The following SMARCA2 variants were observed in gnomAD, a reference collection of about 807,000 sequenced individuals.
The protein encoded by SMARCA2 is SWI/SNF-related matrix-associated actin-dependent regulator of chromatin subfamily A member 2.
SMARCA2 carries 61 observed loss-of-function variants against 199.8 expected under a neutral mutation model. The observed-to-expected ratio is 0.31, with a 90% CI of 0.25 to 0.38. The LOEUF (loss-of-function observed/expected upper bound fraction) is 0.38. SMARCA2 is among the 10% of genes least tolerant of loss of function. SMARCA2 has a pLI of 1.00. For synonymous variants in SMARCA2, 935 were observed against 732.0 expected (o/e 1.28, Z -4.48); for missense variants, 1,344 against 2,012.2 (o/e 0.67, Z 6.35).
chr9:2,023,724 C>G (rs113669195), intron 1 of SMARCA2, among the ~76,000 whole-genome samples: 1 of 152,202 alleles, frequency 6.6e-6, no homozygotes, highest in African/African-American at 2.4e-5. Context: ...TTACCCACCC[C>G]GCACTGCTTC....
intron 8 of SMARCA2, 48 bp downstream of exon 8, chr9:2,058,512 G>C: frequency 6.7e-7 from 1 of 1,485,704 alleles, no homozygotes; most frequent in Non-Finnish European, 9.3e-7. Context: ...ACCCACGTCC[G>C]TCTGCAATGA....
intron 27 of SMARCA2, among the ~76,000 whole-genome samples, chr9:2,133,271 C>G (rs1034913049): frequency 1.3e-5 from 2 of 152,082 alleles, no homozygotes; most frequent in Non-Finnish European, 2.9e-5. Flanking sequence ...ATATGTCTAT[C>G]TGAATCAAGA....
intron 27 of SMARCA2, among the ~76,000 whole-genome samples, chr9:2,149,545 C>G (rs377244146): frequency 6.6e-6 from 1 of 151,354 alleles, no homozygotes; most frequent in Non-Finnish European, 1.5e-5. Context: ...AAGGAAACCT[C>G]TTATAAAACT....
chr9:2,095,245 C>T (rs1431354084), intron 19 of SMARCA2, among the ~76,000 whole-genome samples: 1 of 152,036 alleles, frequency 6.6e-6, no homozygotes, highest in Non-Finnish European at 1.5e-5. Context: ...ACCACCATGC[C>T]TGGCTAATTT....
chr9:2,088,879 A>ATTTTTTTTTTTTTTTTTTTTTTTTTT lies in SMARCA2; in HGVS notation c.2883+281_2883+282insTTTTTTTTTTTTTTTTTTTTTTTTTT, dbSNP rs375056248. 1.4e-5 allele frequency among the ~76,000 whole-genome samples: 2 copies of ATTTTTTTTTTTTTTTTTTTTTTTTTT among 137,970 alleles called. 1 individual carries two copies. Among genetic ancestry groups the ATTTTTTTTTTTTTTTTTTTTTTTTTT allele is most frequent in the African/African-American group, 5.8e-5 (2 of 34,768 alleles). 90.5% of individuals were successfully genotyped at this position (137,970 alleles called of 152,430 possible). On this transcript the variant is annotated intron_variant, in intron 19 of 33. Transcript: ENST00000349721. ...AGTCTCATTTACATTTTAATTTTAG[A>ATTTTTTTTTTTTTTTTTTTTTTTTTT]TTTTTTTTTTTTTTTAAATTACGGA...
intron 32 of SMARCA2, 67 bp from the exon 33 acceptor site, chr9:2,191,199 T>C: frequency 6.8e-7 from 1 of 1,476,382 alleles, no homozygotes; most frequent in East Asian, 2.3e-5. Flanking sequence ...GGTGATAGTC[T>C]TACCACCTAT....
At position 2,157,078 on chromosome 9, in the gene SMARCA2, C is replaced by G. The variant is rs530073458; in HGVS notation, c.3982-4608C>G. On this transcript the variant is annotated intron_variant, in intron 27 of 33. Transcript: ENST00000349721. ...TGAAATTCTGCATCCAAAAGTGCTA[C>G]AGTATGCATTAAACCGATTAAAATA... Among the ~76,000 whole-genome samples, 13 of 152,314 alleles carry G rather than the reference C, an allele frequency of 8.5e-5. No homozygotes were observed. The South Asian group carries it at 1.9e-3, about 22-fold the overall frequency.
intron 27 of SMARCA2, among the ~76,000 whole-genome samples, chr9:2,127,823 G>A: frequency 6.6e-6 from 1 of 152,128 alleles, no homozygotes; most frequent in East Asian, 1.9e-4. Flanking sequence ...TTGAAGACAG[G>A]TTTTATTTTG....
chr9:2,177,089 T>G (rs1412196203), intron 29 of SMARCA2, among the ~76,000 whole-genome samples: 1 of 152,178 alleles, frequency 6.6e-6, no homozygotes, highest in Non-Finnish European at 1.5e-5. Flanking sequence ...CAGGCTCTCT[T>G]GATAAGTAGG....
intron 28 of SMARCA2, among the ~76,000 whole-genome samples, chr9:2,167,385 G>A (rs186573614): frequency 2.6e-5 from 4 of 152,204 alleles, no homozygotes; most frequent in African/African-American, 9.6e-5. Flanking sequence ...TCAATTGCTC[G>A]AAGACAATTC....
intron 27 of SMARCA2, among the ~76,000 whole-genome samples, chr9:2,140,331 A>G (rs932060552): frequency 5.3e-5 from 8 of 152,340 alleles, no homozygotes; most frequent in Admixed American, 2.6e-4. Context: ...GTCATGGTAT[A>G]TCATTTGAAG....
chr9:2,039,650 T>C lies in SMARCA2; in HGVS notation c.540T>C (p.His180=), dbSNP rs1301741973. The C allele has an allele frequency of 1.9e-6, 3 of 1,614,088 alleles. No homozygotes were observed. In the African/African-American group the frequency reaches 4.0e-5, roughly 22 times the overall value. Reference sequence around the variant, plus strand: ...CACCTTTCAGTCCTGTCCAGCTGCATCAGCTTCGAGCTCAGATTTTAGCTT... The same window carrying C: ...CACCTTTCAGTCCTGTCCAGCTGCACCAGCTTCGAGCTCAGATTTTAGCTT... ...GPSPFSPVQL[H]QLRAQILAYK... is the part of the protein sequence containing the mutation. Residue 180 remains histidine, a synonymous_variant, in exon 4 of 34, where the codon CAT becomes CAC. Coordinates refer to ENST00000349721, the MANE Select transcript of SMARCA2 (RefSeq NM_003070.5). The surrounding 1 kb of genome is among the most constrained non-coding windows in gnomAD (Gnocchi z 4.8).
chr9:2,107,542 C>A (rs1355165800), intron 23 of SMARCA2, among the ~76,000 whole-genome samples: 1 of 151,886 alleles, frequency 6.6e-6, no homozygotes, highest in East Asian at 1.9e-4. Context: ...GATCTCGAAC[C>A]CCTGACCTCA....
At chr9:2,160,062 T>A in intron 27 of SMARCA2, 1 of 923,886 alleles carries the variant, frequency 1.1e-6, no homozygotes, top group Non-Finnish European at 1.6e-6. Context: ...GTTGACAGCC[T>A]TGCATGCTGT....
At chr9:2,087,277 T>A (rs891139700) in intron 18 of SMARCA2, 1 of 593,066 alleles carries the variant, frequency 1.7e-6, no homozygotes, top group African/African-American at 1.9e-5. Context: ...ACATGGGGCA[T>A]CTAACCCCTT....
intron 27 of SMARCA2, among the ~76,000 whole-genome samples, chr9:2,156,184 G>A (rs1825349642): frequency 6.6e-6 from 1 of 152,044 alleles, no homozygotes; most frequent in Non-Finnish European, 1.5e-5. Context: ...CATTGGCCAG[G>A]GCAAGACTGA....
At chr9:2,159,068 G>T in intron 27 of SMARCA2, 4 of 1,486,790 alleles carry the variant, frequency 2.7e-6, no homozygotes, top group Non-Finnish European at 3.6e-6. Context: ...AATTGTTTCA[G>T]TTGTTCTGTT....
chr9:2,052,272 G>A (rs1327179975), intron 5 of SMARCA2, among the ~76,000 whole-genome samples: 1 of 152,220 alleles, frequency 6.6e-6, no homozygotes. Flanking sequence ...TCAGGAGTTT[G>A]AGACCAGCCT....
chr9:2,181,797 A>T (rs550572054), intron 30 of SMARCA2, 121 bp downstream of exon 30: 10 of 648,466 alleles, frequency 1.5e-5, no homozygotes, highest in African/African-American at 9.1e-5. Context: ...GCGACAGGAA[A>T]GGTTGGGATG....
Sources: gnomAD v4.1 joint callset for allele counts (sites outside exome capture counted in the v4.1 genomes callset) on GRCh38, gnomAD v4.1.1 for gene constraint, Gnocchi (gnomAD v3.1) non-coding constraint, MANE v1.5 for transcripts, NCBI Gene and HGNC (gene_info 2026-07-23, HGNC 2026-07-21) for gene names.